Variants in NSD1 observed in about 807,000 individuals in gnomAD.
NSD1 encodes the protein nuclear receptor binding SET domain protein 1.
In NSD1, 26 loss-of-function variants were observed where a neutral mutation model predicts 242.7. That is an observed-to-expected ratio of 0.11 (90% CI 0.08 to 0.15). The LOEUF (loss-of-function observed/expected upper bound fraction) is 0.15, where lower values mean the gene tolerates loss of function less well. NSD1 is among the 10% of genes least tolerant of loss of function. The pLI is 1.00. For missense variants in NSD1, 2,495 were observed against 3,272.8 expected (o/e 0.76, Z 5.80); for synonymous variants, 1,106 against 1,178.1 (o/e 0.94, Z 1.25).
At chr5:177,139,515 T>C (rs1039878952) in intron 2 of NSD1, among the ~76,000 whole-genome samples, 1 of 152,016 alleles carries the variant, frequency 6.6e-6, no homozygotes, top group Non-Finnish European at 1.5e-5. Context: ...GAGAAAAGTG[T>C]AATTAAAAAT....
At chr5:177,216,235 A>G (rs1354096060) in intron 5 of NSD1, among the ~76,000 whole-genome samples, 1 of 152,196 alleles carries the variant, frequency 6.6e-6, no homozygotes, top group Non-Finnish European at 1.5e-5. Flanking sequence ...CTGGATATTA[A>G]CCAATTATCT....
At chr5:177,265,857 C>T in intron 14 of NSD1, 2 of 1,458,100 alleles carry the variant, frequency 1.4e-6, no homozygotes, top group Non-Finnish European at 1.9e-6. Context: ...TGCACGTAGT[C>T]ATTCTGCTTC....
chr5:177,166,817 C>G (rs941211967), intron 2 of NSD1, among the ~76,000 whole-genome samples: 1 of 150,790 alleles, frequency 6.6e-6, no homozygotes, highest in Non-Finnish European at 1.5e-5. Context: ...TCTCGGCTCA[C>G]TGACATGGCT....
At chr5:177,289,440 T>A (rs1000009801) in intron 21 of NSD1, among the ~76,000 whole-genome samples, 7 of 152,202 alleles carry the variant, frequency 4.6e-5, no homozygotes, top group South Asian at 2.1e-4. Flanking sequence ...TGAAGTGTTT[T>A]GGGCCATCTG....
chr5:177,258,516 TTTGTTG>T (rs200177256), intron 13 of NSD1, among the ~76,000 whole-genome samples: 1 of 151,884 alleles, frequency 6.6e-6, no homozygotes, highest in Non-Finnish European at 1.5e-5. Context: ...ACAAGTTGTT[TTTGTTG>T]TTGTTGTTGT....
At chr5:177,289,070 AGCACTTTGGGAG>A in intron 21 of NSD1, 145 bp downstream of exon 21, 2 of 700,718 alleles carry the variant, frequency 2.9e-6, no homozygotes, top group Non-Finnish European at 5.1e-6. Flanking sequence ...CTGTAATCCC[AGCACTTTGGGAG>A]GCTGAGGTGG....
At chr5:177,167,055 C>G (rs556360265) in intron 2 of NSD1, among the ~76,000 whole-genome samples, 3 of 151,788 alleles carry the variant, frequency 2.0e-5, no homozygotes, top group Admixed American at 6.6e-5. Flanking sequence ...TGTGCCAGAC[C>G]TTGAGTTACT....
rs935704397 is a variant in NSD1, at chr5:177,238,849, C to G, written c.4192+342C>G. 7.2e-5 allele frequency among the ~76,000 whole-genome samples: 11 copies of G among 152,196 alleles called. No individual in the cohort carries two copies. Among genetic ancestry groups the G allele is most frequent in the South Asian group, 2.1e-4 (1 of 4,832 alleles). ...AAGCACTATGCTTCAAGTGCTGGCT[C>G]CACCAATCCTTGTGTTACTTGGGAA... On this transcript the variant is annotated intron_variant, in intron 7 of 22. Transcript: ENST00000439151. The surrounding 1 kb of genome is among the most constrained non-coding windows in gnomAD (Gnocchi z 4.6).
intron 19 of NSD1, among the ~76,000 whole-genome samples, chr5:177,283,011 T>G (rs1242525396): frequency 6.6e-6 from 1 of 152,182 alleles, no homozygotes; most frequent in African/African-American, 2.4e-5. Flanking sequence ...TGGAGTACAG[T>G]GGCATGATCT....
chr5:177,220,267 A>T (rs1443602663), intron 5 of NSD1, among the ~76,000 whole-genome samples: 1 of 152,094 alleles, frequency 6.6e-6, no homozygotes, highest in Admixed American at 6.6e-5. Flanking sequence ...TGATGAATTG[A>T]CTGTTTTATT....
At chr5:177,227,342 T>C (rs1764707937) in intron 5 of NSD1, among the ~76,000 whole-genome samples, 1 of 152,190 alleles carries the variant, frequency 6.6e-6, no homozygotes, top group South Asian at 2.1e-4. Flanking sequence ...CATTAAAATA[T>C]ACCACAACAA....
At chr5:177,246,919 A>G in intron 10 of NSD1, 123 bp downstream of exon 10, 1 of 745,902 alleles carries the variant, frequency 1.3e-6, no homozygotes, top group East Asian at 2.6e-5. Context: ...GCTGATGGCC[A>G]TAAGGAATCT....
chr5:177,192,011 A>T lies in NSD1; in HGVS notation c.1055A>T (p.Lys352Ile), dbSNP rs770395610. Residue 352 changes from lysine to isoleucine, a missense_variant, in exon 3 of 23, where the codon AAA (lysine) becomes ATA (isoleucine). Physicochemically the swap from Lys to Ile is moderately radical, Grantham distance 102 (BLOSUM62 -3). This residue lies in a region of NSD1 where 65 missense variants were observed against 136.2 expected (regional missense o/e 0.48). Transcript: ENST00000439151. ...CSDPLINTHSKMKVSNRRPYR... is the reference protein window; with the variant it reads ...CSDPLINTHSIMKVSNRRPYR... Reference sequence around the variant, plus strand: ...GATCCGTTGATTAACACACATTCAAAAATGAAAGGTAATACTTGCAGTGAT... The same window carrying T: ...GATCCGTTGATTAACACACATTCAATAATGAAAGGTAATACTTGCAGTGAT... The T allele has an allele frequency of 6.2e-7, 1 of 1,614,140 alleles. No homozygotes were observed. Among genetic ancestry groups the T allele is most frequent in the South Asian group, 1.1e-5 (1 of 91,072 alleles).
intron 2 of NSD1, among the ~76,000 whole-genome samples, chr5:177,151,502 C>T (rs1757695519): frequency 6.6e-6 from 1 of 152,054 alleles, no homozygotes; most frequent in Non-Finnish European, 1.5e-5. Flanking sequence ...GATTCACCTA[C>T]CTCAGCCTCC....
At chr5:177,137,114 A>G (rs1233287821) in intron 2 of NSD1, 3 of 403,670 alleles carry the variant, frequency 7.4e-6, no homozygotes, top group Non-Finnish European at 1.3e-5. Context: ...TGAGCTTATG[A>G]AGAATTTCTT....
intron 17 of NSD1, among the ~76,000 whole-genome samples, chr5:177,277,067 T>C (rs182685780): frequency 6.6e-6 from 1 of 152,008 alleles, no homozygotes. Flanking sequence ...ATTGAGCTAC[T>C]GAGAGAGCAG....
intron 2 of NSD1, among the ~76,000 whole-genome samples, chr5:177,187,100 CTTT>C (rs11285630): frequency 1.3e-5 from 1 of 76,518 alleles, no homozygotes; most frequent in Non-Finnish European, 2.3e-5. Context: ...TGTGACTTAA[CTTT>C]TTTTTTTTTT....
chr5:177,216,320 T>C (rs1279761587), intron 5 of NSD1, among the ~76,000 whole-genome samples: 1 of 152,200 alleles, frequency 6.6e-6, no homozygotes, highest in Non-Finnish European at 1.5e-5. Context: ...CTTTGCTGTG[T>C]AGAAGTTAAT....
At chr5:177,247,773 A>T (rs899069365) in intron 10 of NSD1, among the ~76,000 whole-genome samples, 9 of 152,234 alleles carry the variant, frequency 5.9e-5, no homozygotes, top group Non-Finnish European at 1.0e-4. Flanking sequence ...AAAAGAGAGA[A>T]GTCAGGTCAG....
Sources: allele counts gnomAD v4.1 joint callset (sites outside exome capture counted in the v4.1 genomes callset), GRCh38; gene constraint gnomAD v4.1.1; regional missense constraint gnomAD v4.1.1; non-coding constraint Gnocchi (gnomAD v3.1); transcripts MANE v1.5; gene names NCBI Gene and HGNC (gene_info 2026-07-23, HGNC 2026-07-21).